Variants in SLC35D2 observed in about 807,000 individuals in gnomAD.
SLC35D2 encodes the protein solute carrier family 35 member D2, also known as nucleotide sugar transporter SLC35D2.
In SLC35D2, 43 loss-of-function variants were observed where a neutral mutation model predicts 41.8. The observed-to-expected ratio is 1.03, with a 90% CI of 0.81 to 1.33. The LOEUF is 1.33. Among genes scored for constraint, SLC35D2 ranks in the 40% most tolerant of loss-of-function variants. The pLI is 0.00. For synonymous variants in SLC35D2, 150 were observed against 163.9 expected (o/e 0.92, Z 0.65); for missense variants, 380 against 408.4 (o/e 0.93, Z 0.60).
intron 1 of SLC35D2, among the ~76,000 whole-genome samples, chr9:96,371,025 AC>A (rs34835442): frequency 0.025 from 3,851 of 152,336 alleles, 70 homozygotes; most frequent in Middle Eastern, 0.054. Flanking sequence ...GCAGAGGAAA[AC>A]AACTTTAAAA....
chr9:96,325,239 C>T (rs908791335), intron 9 of SLC35D2, among the ~76,000 whole-genome samples: 1 of 152,146 alleles, frequency 6.6e-6, no homozygotes, highest in African/African-American at 2.4e-5. Flanking sequence ...CGAGCTAATT[C>T]CAGTCAAGCA....
At chr9:96,376,920 C>G (rs1034937900) in intron 1 of SLC35D2, among the ~76,000 whole-genome samples, 4 of 151,090 alleles carry the variant, frequency 2.6e-5, no homozygotes, top group African/African-American at 9.7e-5. Context: ...ATGGGGTCAA[C>G]AATTTGAAAG....
At chr9:96,338,881 A>T (rs1441234403) in intron 8 of SLC35D2, among the ~76,000 whole-genome samples, 1 of 152,224 alleles carries the variant, frequency 6.6e-6, no homozygotes, top group Non-Finnish European at 1.5e-5. Context: ...GTCTGAAATT[A>T]AAATAAAATT....
rs1829285661 is a variant in SLC35D2, at chr9:96,340,691, T to C, written c.684+3213A>G. Among the ~76,000 whole-genome samples the C allele has an allele frequency of 4.6e-5, 7 of 151,332 alleles. No individual in the cohort carries two copies. The South Asian group carries it at 1.5e-3, about 32-fold the overall frequency. On this transcript the variant is annotated intron_variant, in intron 8 of 11. Transcript: ENST00000253270. ...ACTCCATGACTTGACTTGTACTTTG[T>C]TATTTTATAGAAGGCCTTTTATTAT...
At position 96,325,671 on chromosome 9, in the gene SLC35D2, C is replaced by CAATT. The variant is rs985006391; in HGVS notation, c.753-1506_753-1503dup. ...TGGGTGACAGGGCGAAACTCCATTT[C>CAATT]AATTAATTAATTAATTAATTAGTCC... is the stretch of plus-strand genomic sequence containing the variant. On this transcript the variant is annotated intron_variant, in intron 9 of 11. Coordinates refer to ENST00000253270, the MANE Select transcript of SLC35D2 (RefSeq NM_007001.3). Among the ~76,000 whole-genome samples the CAATT allele has an allele frequency of 7.2e-5, 11 of 152,202 alleles. No homozygotes were observed. In the East Asian group the frequency reaches 1.2e-3, roughly 16 times the overall value.
intron 7 of SLC35D2, 110 bp downstream of exon 7, chr9:96,345,189 C>T: frequency 1.7e-6 from 1 of 602,934 alleles, no homozygotes; most frequent in South Asian, 2.4e-5. Context: ...ATTTACAGGT[C>T]ATATTATATA....
intron 10 of SLC35D2, among the ~76,000 whole-genome samples, chr9:96,322,303 G>C (rs554792152): frequency 6.6e-6 from 1 of 152,288 alleles, no homozygotes; most frequent in East Asian, 1.9e-4. Flanking sequence ...AGGATCACTT[G>C]AGCCCAGGAG....
At chr9:96,327,606 T>C (rs1564087163) in intron 9 of SLC35D2, among the ~76,000 whole-genome samples, 1 of 151,786 alleles carries the variant, frequency 6.6e-6, no homozygotes, top group Non-Finnish European at 1.5e-5. Context: ...GCTGCACTTC[T>C]TTTTTCTTTT....
intron 1 of SLC35D2, among the ~76,000 whole-genome samples, chr9:96,371,510 A>C (rs1830682240): frequency 6.9e-6 from 1 of 144,826 alleles, no homozygotes; most frequent in Admixed American, 6.9e-5. Context: ...AAAAAAATTT[A>C]AACACTGGAT....
chr9:96,363,619 G>A (rs76726570), intron 3 of SLC35D2, among the ~76,000 whole-genome samples: 4,002 of 152,250 alleles, frequency 0.026, 77 homozygotes, highest in Middle Eastern at 0.054. Context: ...GTTCCAGGAC[G>A]GAAAAAACTG....
rs57775451 is a variant in SLC35D2, at chr9:96,324,549, C to CTTTT, written c.753-384_753-381dup. Among the ~76,000 whole-genome samples the CTTTT allele has an allele frequency of 2.7e-4, 32 of 117,762 alleles. 2 individuals carry two copies. Among genetic ancestry groups the CTTTT allele is most frequent in the Non-Finnish European group, 4.8e-4 (27 of 56,448 alleles). 77.3% of individuals were successfully genotyped at this position (117,762 alleles called of 152,430 possible). On this transcript the variant is annotated intron_variant, in intron 9 of 11. Transcript: ENST00000253270. ...CTGTGCCTCAGAATCGCCTGCTGCA[C>CTTTT]TTTTTTTTTTTTTTTTTGGTGGGGA...
At chr9:96,319,761 A>G (rs1376986618), downstream of SLC35D2, among the ~76,000 whole-genome samples, 1 of 152,112 alleles carries the variant, frequency 6.6e-6, no homozygotes, top group Non-Finnish European at 1.5e-5. Context: ...CAGCCTCCCA[A>G]AGTGTTGGGA....
intron 11 of SLC35D2, among the ~76,000 whole-genome samples, chr9:96,315,593 C>G (rs1330914404): frequency 2.0e-5 from 3 of 152,088 alleles, no homozygotes; most frequent in Admixed American, 2.0e-4. Flanking sequence ...GCCACCACGC[C>G]CAGCTAATTT....
intron 9 of SLC35D2, 119 bp from the exon 10 acceptor site, chr9:96,324,288 A>G: frequency 2.9e-6 from 2 of 682,690 alleles, no homozygotes; most frequent in Non-Finnish European, 4.9e-6. Context: ...AGAAACACAT[A>G]TCATAAAGGT....
chr9:96,334,086 G>C (rs542905499), intron 9 of SLC35D2, among the ~76,000 whole-genome samples: 1 of 152,216 alleles, frequency 6.6e-6, no homozygotes, highest in Non-Finnish European at 1.5e-5. Context: ...CAATGGCTAA[G>C]TGCTCTAAGG....
rs985624122 is a variant in SLC35D2 at position 96,351,091 on chromosome 9, C to A, written c.488+12G>T. ...AAAGAAGTTATTGAGCAGAAACAGT[C>A]CAAAGTCTTACCCAGCTGCTATGAA... On this transcript the variant is annotated intron_variant, in intron 6 of 11. Coordinates refer to ENST00000253270, the MANE Select transcript of SLC35D2 (RefSeq NM_007001.3). The A allele has an allele frequency of 1.2e-6, 2 of 1,600,850 alleles. No individual in the cohort carries two copies. Among genetic ancestry groups the A allele is most frequent in the Admixed American group, 1.7e-5 (1 of 59,988 alleles).
At chr9:96,348,187 C>T (rs561291685) in intron 6 of SLC35D2, among the ~76,000 whole-genome samples, 55 of 152,338 alleles carry the variant, frequency 3.6e-4, no homozygotes, top group African/African-American at 1.3e-3. Flanking sequence ...AACAGGATTA[C>T]AGGCATGGGC....
Position 96,383,514 on chromosome 9 carries a change from TGA to T in SLC35D2, c.119_120del (p.Leu40HisfsTer45). The T allele has an allele frequency of 1.3e-6, 2 of 1,535,964 alleles. No homozygotes were observed. Among genetic ancestry groups the T allele is most frequent in the Non-Finnish European group, 1.8e-6 (2 of 1,141,056 alleles). ...AGCAGCGCCTTGTTGACAAGCACGA[TGA>T]GGAAGGAGCAGGTCCCGTAGAAGAG... The part of the protein sequence containing the change: ...SALFYGTCSF[L>X]IVLVNKALLT... On this transcript the variant is annotated frameshift_variant, in exon 1 of 12. Coordinates refer to ENST00000253270, the MANE Select transcript of SLC35D2 (RefSeq NM_007001.3). LOFTEE classifies it high-confidence loss of function.
chr9:96,374,754 C>T (rs1682552157), intron 1 of SLC35D2, among the ~76,000 whole-genome samples: 1 of 150,016 alleles, frequency 6.7e-6, no homozygotes, highest in Non-Finnish European at 1.5e-5. Context: ...AGGAGAATGG[C>T]GTGAACCCGG....
Sources: gnomAD v4.1 joint callset for allele counts (sites outside exome capture counted in the v4.1 genomes callset) on GRCh38, gnomAD v4.1.1 for gene constraint, MANE v1.5 for transcripts, NCBI Gene and HGNC (gene_info 2026-07-23, HGNC 2026-07-21) for gene names.